CAP2: variants seen among roughly 807,000 people sequenced by gnomAD.
CAP2 encodes adenylyl cyclase-associated protein 2.
Under a neutral mutation model 57.7 loss-of-function variants are expected in CAP2, and 24 were observed. The observed-to-expected ratio is 0.42, with a 90% CI of 0.30 to 0.58. The LOEUF (loss-of-function observed/expected upper bound fraction) is 0.58, where lower values mean the gene tolerates loss of function less well. Among genes scored for constraint, CAP2 ranks in the 20% least tolerant of loss-of-function variants. CAP2 has a pLI of 0.22. For synonymous variants in CAP2, 194 were observed against 207.2 expected (o/e 0.94, Z 0.55); for missense variants, 501 against 590.3 (o/e 0.85, Z 1.57).
chr6:17,400,103 G>C (rs1421339208), intron 1 of CAP2, among the ~76,000 whole-genome samples: 1 of 152,058 alleles, frequency 6.6e-6, no homozygotes, highest in African/African-American at 2.4e-5. Flanking sequence ...GCACGTGCCT[G>C]TAGTCCCAGC....
chr6:17,538,968 C>T (rs1762837198), intron 7 of CAP2, among the ~76,000 whole-genome samples: 2 of 152,174 alleles, frequency 1.3e-5, no homozygotes, highest in South Asian at 4.1e-4. Flanking sequence ...AGATCCTGAG[C>T]CTTGGACCTG....
intron 6 of CAP2, among the ~76,000 whole-genome samples, chr6:17,509,169 CATAA>C (rs1330486604): frequency 6.6e-6 from 1 of 151,950 alleles, no homozygotes; most frequent in Non-Finnish European, 1.5e-5. Flanking sequence ...GCATAAAATA[CATAA>C]ATAAATACCT....
chr6:17,542,787 T>G, intron 9 of CAP2, 50 bp from the exon 10 acceptor site: 10 of 1,472,888 alleles, frequency 6.8e-6, no homozygotes, highest in South Asian at 1.2e-5. Context: ...GTGCAGTGGT[T>G]TCTGTTTATA....
At chr6:17,508,838 A>G (rs535335510) in intron 6 of CAP2, among the ~76,000 whole-genome samples, 5 of 151,542 alleles carry the variant, frequency 3.3e-5, no homozygotes, top group South Asian at 2.1e-4. Context: ...GCTCACTGCA[A>G]CCTCTGCCTC....
rs546835513 is a variant in CAP2 at position 17,543,235 on chromosome 6, G to A, written c.1209+92G>A. ...AGCCTTTCCAACCACGCTGTAGTAAGCAGCCTTTCCAACCACGCTGTAATA... is the reference window on the plus strand; with the variant it reads ...AGCCTTTCCAACCACGCTGTAGTAAACAGCCTTTCCAACCACGCTGTAATA... On this transcript the variant is annotated intron_variant, in intron 11 of 12. Coordinates refer to ENST00000229922, the MANE Select transcript of CAP2 (RefSeq NM_006366.3). The A allele has an allele frequency of 4.2e-5, 45 of 1,059,980 alleles. No homozygotes were observed. The African/African-American group carries it at 4.5e-4, about 11-fold the overall frequency. 65.7% of individuals were successfully genotyped at this position (1,059,980 alleles called of 1,614,324 possible).
chr6:17,436,081 CT>C (rs1017405471), intron 3 of CAP2, among the ~76,000 whole-genome samples: 1 of 125,966 alleles, frequency 7.9e-6, no homozygotes, highest in African/African-American at 3.1e-5. Flanking sequence ...TTCTTTCTTT[CT>C]TTCTTTCCTT....
intron 3 of CAP2, among the ~76,000 whole-genome samples, chr6:17,430,684 G>T (rs912798493): frequency 1.3e-5 from 2 of 151,982 alleles, no homozygotes; most frequent in African/African-American, 4.8e-5. Context: ...GATTACAGCC[G>T]CACGCCACTA....
intron 4 of CAP2, among the ~76,000 whole-genome samples, chr6:17,495,961 A>G (rs921951483): frequency 1.5e-5 from 2 of 134,506 alleles, no homozygotes; most frequent in Non-Finnish European, 3.1e-5. Context: ...GGGGATAGCT[A>G]TGCCAGCAGC....
chr6:17,504,745 T>C (rs1761931135), intron 4 of CAP2, among the ~76,000 whole-genome samples: 2 of 152,130 alleles, frequency 1.3e-5, no homozygotes, highest in South Asian at 4.1e-4. Flanking sequence ...ACACACTTCA[T>C]AACCAAAACA....
At chr6:17,451,844 A>G (rs1007554372) in intron 3 of CAP2, among the ~76,000 whole-genome samples, 2 of 145,546 alleles carry the variant, frequency 1.4e-5, no homozygotes, top group Non-Finnish European at 2.9e-5. Context: ...ATTGTGTAAT[A>G]AGTTTCTGTT....
rs1763342666 is a variant in CAP2, at chr6:17,557,543, AGTATAAT to A, written c.*1103_*1109del. 1 of 152,232 alleles carries A rather than the reference AGTATAAT, an allele frequency of 6.6e-6. No homozygotes were observed. Among genetic ancestry groups the A allele is most frequent in the Non-Finnish European group, 1.5e-5 (1 of 68,034 alleles). 9.4% of individuals were successfully genotyped at this position (152,232 alleles called of 1,614,324 possible). A position where few individuals can be genotyped will look rare whatever the true frequency, so the allele number is the denominator to read the frequency against. ...TCTTGGATCATATTTAATGAATTAT[AGTATAAT>A]GCTTGCAGGCCCAGTACAAGCATAT... On this transcript the variant is annotated 3_prime_UTR_variant, in exon 13 of 13. Coordinates refer to ENST00000229922, the MANE Select transcript of CAP2 (RefSeq NM_006366.3).
chr6:17,484,759 G>A (rs1343897325), intron 4 of CAP2, among the ~76,000 whole-genome samples: 1 of 152,172 alleles, frequency 6.6e-6, no homozygotes, highest in Non-Finnish European at 1.5e-5. Context: ...ATTGCCTATA[G>A]TAAGAAAACC....
chr6:17,412,177 C>G (rs907871251), intron 1 of CAP2, among the ~76,000 whole-genome samples: 2 of 152,116 alleles, frequency 1.3e-5, no homozygotes, highest in African/African-American at 4.8e-5. Flanking sequence ...ACTGGGCTCC[C>G]TCCTGCCTCA....
chr6:17,478,980 C>G (rs980959372), intron 4 of CAP2, among the ~76,000 whole-genome samples: 1 of 152,192 alleles, frequency 6.6e-6, no homozygotes, highest in African/African-American at 2.4e-5. Context: ...TTCCCTCTAT[C>G]CCTTAAGTGT....
At chr6:17,514,215 T>C (rs1051077670) in intron 7 of CAP2, among the ~76,000 whole-genome samples, 3 of 151,682 alleles carry the variant, frequency 2.0e-5, no homozygotes, top group Admixed American at 6.6e-5. Context: ...ATATAAAAAT[T>C]AGCCAGGCAT....
chr6:17,442,182 T>C (rs1012693600), intron 3 of CAP2, among the ~76,000 whole-genome samples: 1 of 152,216 alleles, frequency 6.6e-6, no homozygotes, highest in Non-Finnish European at 1.5e-5. Context: ...AAGAGATTCC[T>C]CTACTCCTTA....
intron 1 of CAP2, among the ~76,000 whole-genome samples, chr6:17,405,965 TC>T (rs1246713579): frequency 2.0e-5 from 3 of 152,014 alleles, no homozygotes; most frequent in African/African-American, 7.2e-5. Flanking sequence ...GGTCGTGAAC[TC>T]CTGGGCTCAA....
intron 4 of CAP2, among the ~76,000 whole-genome samples, chr6:17,500,772 G>A (rs534998349): frequency 6.6e-6 from 1 of 152,208 alleles, no homozygotes; most frequent in African/African-American, 2.4e-5. Context: ...ATATAGATAA[G>A]CCAATAAAAT....
At chr6:17,421,420 C>T (rs1025086584) in intron 1 of CAP2, 135 bp from the exon 2 acceptor site, 4 of 888,448 alleles carry the variant, frequency 4.5e-6, no homozygotes, top group Non-Finnish European at 5.3e-6. Flanking sequence ...CATACAATTT[C>T]ATGGTTAAAA....
Sources: allele counts gnomAD v4.1 joint callset (sites outside exome capture counted in the v4.1 genomes callset), GRCh38; gene constraint gnomAD v4.1.1; transcripts MANE v1.5; gene names NCBI Gene and HGNC (gene_info 2026-07-23, HGNC 2026-07-21).